The following KDM3B variants were observed in gnomAD, a reference collection of about 807,000 sequenced individuals.
KDM3B encodes the protein lysine-specific demethylase 3B.
In KDM3B, 10 loss-of-function variants were observed where a neutral mutation model predicts 170.0. The observed-to-expected ratio is 0.06, with a 90% CI of 0.04 to 0.10. KDM3B has a LOEUF of 0.10. Among genes scored for constraint, KDM3B ranks in the 10% least tolerant of loss-of-function variants. KDM3B has a pLI of 1.00. For missense variants in KDM3B, 1,394 were observed against 2,195.2 expected, an observed-to-expected ratio of 0.64 and a Z score of 7.29; for synonymous variants, 831 against 834.8, an observed-to-expected ratio of 1.00 and a Z score of 0.08.
intron 6 of KDM3B, 26 bp from the exon 7 acceptor site, chr5:138,385,996 A>G: frequency 6.4e-7 from 1 of 1,565,128 alleles, no homozygotes. Context: ...GTTTCCTTGT[A>G]ATCTTTTTTG....
At chr5:138,353,052 G>C in intron 1 of KDM3B, 65 bp downstream of exon 1, 1 of 1,165,864 alleles carries the variant, frequency 8.6e-7, no homozygotes, top group Non-Finnish European at 1.1e-6. Flanking sequence ...GCCTCCCCGG[G>C]GGCCTTTGTG....
At chr5:138,369,464 C>A (rs1202962290) in intron 1 of KDM3B, among the ~76,000 whole-genome samples, 4 of 152,116 alleles carry the variant, frequency 2.6e-5, no homozygotes, top group African/African-American at 9.7e-5. Flanking sequence ...CCCTACTACT[C>A]CCCCACCGTA....
At chr5:138,368,149 A>T (rs565376488) in intron 1 of KDM3B, among the ~76,000 whole-genome samples, 63 of 151,990 alleles carry the variant, frequency 4.1e-4, no homozygotes, top group African/African-American at 1.4e-3. Flanking sequence ...CCTTCTTTGT[A>T]TCCTGTGGCC....
In KDM3B at chr5:138,352,996, C is replaced by A. The variant is rs1354742645; in HGVS notation, c.192+9C>A. On this transcript the variant is annotated intron_variant, in intron 1 of 23. Coordinates refer to ENST00000314358, the MANE Select transcript of KDM3B (RefSeq NM_016604.4). ...TGCCCCAGGACCTAGCGGTGAGTGG[C>A]GGCCGAGTCGGGCACTCGAGGCCGG... 8.6e-7 allele frequency: 1 copy of A among 1,157,916 alleles called. No homozygotes were observed. Among genetic ancestry groups the A allele is most frequent in the Non-Finnish European group, 1.1e-6 (1 of 942,126 alleles). 71.7% of individuals were successfully genotyped at this position (1,157,916 alleles called of 1,614,324 possible). A position where few individuals can be genotyped will look rare whatever the true frequency, so the allele number is the denominator to read the frequency against.
chr5:138,435,750 C>A lies in KDM3B; in HGVS notation c.*50C>A. 1 of 1,407,724 alleles carries A rather than the reference C, an allele frequency of 7.1e-7. No individual in the cohort carries two copies. The highest frequency in any genetic ancestry group is 1.0e-6 in the Non-Finnish European group (1 of 1,002,954). 87.2% of individuals were successfully genotyped at this position (1,407,724 alleles called of 1,614,324 possible). A position where few individuals can be genotyped will look rare whatever the true frequency, so the allele number is the denominator to read the frequency against. On this transcript the variant is annotated 3_prime_UTR_variant, in exon 24 of 24. Transcript: ENST00000314358. Reference sequence around the variant, plus strand: ...TGTGAAGCAGGTCTTTCACTCACAACACTTAACAGGGAACGGCAGGGCTCT... The same window carrying A: ...TGTGAAGCAGGTCTTTCACTCACAAAACTTAACAGGGAACGGCAGGGCTCT...
At chr5:138,397,234 C>T (rs1465460859) in intron 9 of KDM3B, among the ~76,000 whole-genome samples, 3 of 152,090 alleles carry the variant, frequency 2.0e-5, no homozygotes, top group Non-Finnish European at 4.4e-5. Context: ...ACTGGGGAGG[C>T]TGAGGCGGGA....
rs113331476 is a variant in KDM3B at position 138,417,662 on chromosome 5, C to T, written c.3435+52C>T. ...AAGTGAAGCCTAAATTTTTTTGTAC[C>T]AGGAAATGCCCCCTTTTCAACTCTG... On this transcript the variant is annotated intron_variant, in intron 13 of 23. Coordinates refer to ENST00000314358, the MANE Select transcript of KDM3B (RefSeq NM_016604.4). 7.6e-5 allele frequency: 120 copies of T among 1,581,122 alleles called. 3 individuals are homozygous for T. In the African/African-American group the frequency reaches 1.0e-3, roughly 13 times the overall value.
intron 4 of KDM3B, among the ~76,000 whole-genome samples, chr5:138,378,333 GTTTC>G (rs1479862061): frequency 6.6e-6 from 1 of 152,112 alleles, no homozygotes; most frequent in Non-Finnish European, 1.5e-5. Context: ...AAATCTGCAA[GTTTC>G]TTAAGAACTA....
Position 138,392,195 on chromosome 5 carries a change from C to T in KDM3B, c.2563C>T (p.Leu855=). The T allele has an allele frequency of 1.3e-6, 2 of 1,522,082 alleles. No individual in the cohort carries two copies. Among genetic ancestry groups the T allele is most frequent in the Non-Finnish European group, 1.8e-6 (2 of 1,133,388 alleles). 94.3% of individuals were successfully genotyped at this position (1,522,082 alleles called of 1,614,324 possible). ...LGPNGERSAE[L]LLGKSKGKQA... is the part of the protein sequence containing the mutation. ...CCCCAATGGGGAGCGCAGTGCTGAG[C>T]TGTTGCTGGGCAAAAGCAAAGGGAA... Residue 855 remains leucine, a synonymous_variant, in exon 8 of 24, where the codon CTG becomes TTG. Transcript: ENST00000314358.
At chr5:138,404,934 G>A (rs1292062003) in intron 11 of KDM3B, among the ~76,000 whole-genome samples, 6 of 151,444 alleles carry the variant, frequency 4.0e-5, no homozygotes, top group East Asian at 3.9e-4. Context: ...ACAGTGTTTC[G>A]CCATGTTAAT....
At chr5:138,395,720 G>A (rs1253242117) in intron 9 of KDM3B, among the ~76,000 whole-genome samples, 1 of 151,796 alleles carries the variant, frequency 6.6e-6, no homozygotes, top group Non-Finnish European at 1.5e-5. Context: ...GGGTTCAAGC[G>A]ATTCTCCTGC....
At chr5:138,384,391 G>A (rs909677361) in intron 6 of KDM3B, among the ~76,000 whole-genome samples, 73 of 151,936 alleles carry the variant, frequency 4.8e-4, no homozygotes, top group African/African-American at 1.6e-3. Flanking sequence ...CCTGAGGTCC[G>A]GAGTTCGAGA....
At chr5:138,410,093 A>AAAAAG (rs10630854) in intron 11 of KDM3B, among the ~76,000 whole-genome samples, 64,533 of 150,792 alleles carry the variant, frequency 0.43, 14,125 homozygotes, top group East Asian at 0.57. Context: ...CTTAAAAGAA[A>AAAAAG]AAAAGAAAAG....
chr5:138,421,390 T>C (rs1391411589), intron 15 of KDM3B, among the ~76,000 whole-genome samples: 2 of 152,262 alleles, frequency 1.3e-5, no homozygotes, highest in Non-Finnish European at 2.9e-5. Flanking sequence ...GTGGCATCTC[T>C]GCCCTTGTGA....
intron 3 of KDM3B, among the ~76,000 whole-genome samples, chr5:138,376,205 TG>T: frequency 6.6e-6 from 1 of 151,928 alleles, no homozygotes; most frequent in Admixed American, 6.5e-5. Flanking sequence ...CTCAAACTCC[TG>T]GCCTCAAGTG....
intron 10 of KDM3B, among the ~76,000 whole-genome samples, chr5:138,399,050 G>A (rs1393074472): frequency 6.6e-6 from 1 of 151,090 alleles, no homozygotes; most frequent in East Asian, 2.0e-4. Context: ...CACCAAGCCC[G>A]GCTAATTTTT....
chr5:138,393,465 C>G (rs1023010618), intron 9 of KDM3B, 93 bp downstream of exon 9: 2 of 1,102,848 alleles, frequency 1.8e-6, no homozygotes, highest in African/African-American at 3.1e-5. Flanking sequence ...GTTTCATCAT[C>G]TTGGTCTTTG....
intron 3 of KDM3B, among the ~76,000 whole-genome samples, chr5:138,375,921 C>T (rs1057482875): frequency 3.3e-5 from 5 of 152,154 alleles, no homozygotes; most frequent in Non-Finnish European, 7.3e-5. Context: ...AGGCGATCCA[C>T]CTGCCTTGGC....
rs201317805 is a variant in KDM3B at position 138,420,783 on chromosome 5, A to G, written c.3793A>G (p.Lys1265Glu). 1 of 1,614,098 alleles carries G rather than the reference A, an allele frequency of 6.2e-7. No individual in the cohort carries two copies. ...FGLDSFNSTA[K>E]VSPLTPKLFN... is the part of the protein sequence containing the mutation. ...GCTGGACTCGTTCAACTCCACTGCAAAGGTCTCTCCGCTGACTCCAAAGCT... is the reference window on the plus strand; with the variant it reads ...GCTGGACTCGTTCAACTCCACTGCAGAGGTCTCTCCGCTGACTCCAAAGCT... The change falls in exon 15 of 24, where the codon AAG becomes GAG. Residue 1265 changes from lysine (K) to glutamate (E), a missense_variant. By Grantham distance (56) the Lys-to-Glu change is moderately conservative. This residue lies in a region of KDM3B where 137 missense variants were observed against 166.9 expected (regional missense o/e 0.82). Transcript: ENST00000314358.
Sources: gnomAD v4.1 joint callset for allele counts (sites outside exome capture counted in the v4.1 genomes callset) on GRCh38, gnomAD v4.1.1 for gene constraint, gnomAD v4.1.1 regional missense constraint, MANE v1.5 for transcripts, NCBI Gene and HGNC (gene_info 2026-07-23, HGNC 2026-07-21) for gene names.